The following MAN1C1 variants were observed in gnomAD, a reference collection of about 807,000 sequenced individuals.
The protein encoded by MAN1C1 is mannosyl-oligosaccharide 1,2-alpha-mannosidase IC.
MAN1C1 carries 49 observed loss-of-function variants against 71.5 expected under a neutral mutation model. That is an observed-to-expected ratio of 0.69 (90% confidence interval 0.54 to 0.87). The LOEUF is 0.87. MAN1C1 is among the 40% of genes least tolerant of loss of function. The probability of loss-of-function intolerance (pLI) is 0.00; values close to 1 mark genes in which losing one functional copy is unlikely to be tolerated. For synonymous variants in MAN1C1, 352 were observed against 343.7 expected (o/e 1.02, Z -0.27); for missense variants, 743 against 835.0 (o/e 0.89, Z 1.36).
chr1:25,768,262 C>A (rs1424270572), intron 7 of MAN1C1, among the ~76,000 whole-genome samples: 1 of 47,044 alleles, frequency 2.1e-5, no homozygotes, highest in Non-Finnish European at 4.4e-5. Flanking sequence ...ACTCCCCTCA[C>A]ACACATCACA....
intron 2 of MAN1C1, chr1:25,709,799 G>A (rs2046588188): frequency 6.6e-6 from 1 of 152,164 alleles, no homozygotes; most frequent in South Asian, 2.1e-4. Flanking sequence ...AGACTGGAGT[G>A]CAGTGGCATA....
At chr1:25,749,664 A>T (rs1471166763) in intron 4 of MAN1C1, among the ~76,000 whole-genome samples, 1 of 152,150 alleles carries the variant, frequency 6.6e-6, no homozygotes, top group African/African-American at 2.4e-5. Flanking sequence ...TGCCCAGGTG[A>T]GCCCAACTGG....
intron 4 of MAN1C1, among the ~76,000 whole-genome samples, chr1:25,752,937 T>C (rs1399806142): frequency 1.3e-5 from 2 of 152,236 alleles, no homozygotes; most frequent in Non-Finnish European, 2.9e-5. Context: ...CTCTGGAACC[T>C]GAGGGTGGTC....
rs530683855 is a variant in MAN1C1 at position 25,631,876 on chromosome 1, A to AT, written c.540+13541dup. On this transcript the variant is annotated intron_variant, in intron 1 of 11. Transcript: ENST00000374332. This position sits in a 1 kb window ranked among gnomAD's most constrained non-coding sequence, Gnocchi z 4.2. ...ACCTCTGCCTGCTTAGGTTCAAGTGATTCTCCTGCCTCAGCTGCCTGAGTA... is the reference window on the plus strand; with the variant it reads ...ACCTCTGCCTGCTTAGGTTCAAGTGATTTCTCCTGCCTCAGCTGCCTGAGTA... Among the ~76,000 whole-genome samples the AT allele has an allele frequency of 1.5e-3, 225 of 152,260 alleles. No individual in the cohort carries two copies. The highest frequency in any genetic ancestry group is 5.1e-3 in the African/African-American group (213 of 41,532).
At chr1:25,683,379 T>C (rs2046182187) in intron 1 of MAN1C1, among the ~76,000 whole-genome samples, 1 of 152,238 alleles carries the variant, frequency 6.6e-6, no homozygotes, top group Non-Finnish European at 1.5e-5. Flanking sequence ...GTGGTCCACG[T>C]TGAGTCTTCC....
chr1:25,733,847 T>G (rs1470225383), intron 2 of MAN1C1, among the ~76,000 whole-genome samples: 1 of 152,028 alleles, frequency 6.6e-6, no homozygotes, highest in African/African-American at 2.4e-5. Flanking sequence ...TCGCCCAGGC[T>G]GGAGTGCAGT....
intron 2 of MAN1C1, among the ~76,000 whole-genome samples, chr1:25,693,399 G>T (rs984434497): frequency 6.6e-6 from 1 of 152,160 alleles, no homozygotes; most frequent in Non-Finnish European, 1.5e-5. Context: ...GGAGGCCAAG[G>T]TGGGCAGAGC....
At chr1:25,623,675 T>C (rs2045250918) in intron 1 of MAN1C1, among the ~76,000 whole-genome samples, 1 of 152,212 alleles carries the variant, frequency 6.6e-6, no homozygotes, top group African/African-American at 2.4e-5. Flanking sequence ...AAAGCCCCTG[T>C]GTAGGGAAGC....
chr1:25,783,299 T>A (rs1236315328), intron 11 of MAN1C1, among the ~76,000 whole-genome samples: 2 of 151,854 alleles, frequency 1.3e-5, no homozygotes, highest in Non-Finnish European at 2.9e-5. Flanking sequence ...GAATATAGAG[T>A]CTTAGTGGGC....
Position 25,780,966 on chromosome 1 carries a change from T to C in MAN1C1, c.1504T>C (p.Trp502Arg). Residue 502 changes from tryptophan (W) to arginine (R), a missense_variant, in exon 10 of 12, where the codon TGG becomes CGG. Transcript: ENST00000374332. ...CACCAAACTTGGGCCTGAGGCCTTCTGGTTTAACTCCGGCAGAGAGGCCGT... is the reference window on the plus strand; with the variant it reads ...CACCAAACTTGGGCCTGAGGCCTTCCGGTTTAACTCCGGCAGAGAGGCCGT... ...SDTKLGPEAF[W>R]FNSGREAVAT... 1 of 1,614,160 alleles carries C rather than the reference T, an allele frequency of 6.2e-7. No individual in the cohort carries two copies. Among genetic ancestry groups the C allele is most frequent in the Admixed American group, 1.7e-5 (1 of 60,028 alleles).
intron 1 of MAN1C1, among the ~76,000 whole-genome samples, chr1:25,646,615 A>G (rs1201763885): frequency 6.6e-6 from 1 of 152,166 alleles, no homozygotes; most frequent in East Asian, 1.9e-4. Flanking sequence ...CACTACCCCC[A>G]GCCCAGTCCC....
chr1:25,714,954 G>A (rs1291888662), intron 2 of MAN1C1, among the ~76,000 whole-genome samples: 2 of 152,164 alleles, frequency 1.3e-5, no homozygotes, highest in Non-Finnish European at 2.9e-5. Flanking sequence ...GCCCATTTAA[G>A]TTCAATTTAC....
chr1:25,763,852 C>G (rs760940028), intron 6 of MAN1C1, 22 bp from the exon 7 acceptor site: 15 of 1,607,126 alleles, frequency 9.3e-6, no homozygotes, highest in East Asian at 2.2e-5. Flanking sequence ...TGAAGGCTCA[C>G]CTGGTGTCCG....
intron 5 of MAN1C1, among the ~76,000 whole-genome samples, chr1:25,754,026 C>T (rs796256158): frequency 2.6e-5 from 4 of 152,274 alleles, no homozygotes; most frequent in African/African-American, 7.2e-5. Context: ...CCTCCTCCCA[C>T]GAGGAGGTCC....
intron 1 of MAN1C1, among the ~76,000 whole-genome samples, chr1:25,619,840 C>T (rs1007470324): frequency 1.3e-5 from 2 of 152,174 alleles, no homozygotes; most frequent in African/African-American, 2.4e-5. Flanking sequence ...GCTCTTTTTG[C>T]CCCTCTCGAC....
At chr1:25,672,617 G>A (rs1170350469) in intron 1 of MAN1C1, among the ~76,000 whole-genome samples, 1 of 152,122 alleles carries the variant, frequency 6.6e-6, no homozygotes, top group African/African-American at 2.4e-5. Flanking sequence ...CCTTCTGATT[G>A]TACTGGGCCC....
intron 2 of MAN1C1, among the ~76,000 whole-genome samples, chr1:25,693,965 A>G (rs2046339081): frequency 6.6e-6 from 1 of 152,264 alleles, no homozygotes; most frequent in African/African-American, 2.4e-5. Context: ...CATTCATAAA[A>G]TGTAGGCTGC....
intron 1 of MAN1C1, among the ~76,000 whole-genome samples, chr1:25,678,989 AAG>A (rs936803041): frequency 6.6e-6 from 1 of 151,892 alleles, no homozygotes; most frequent in Non-Finnish European, 1.5e-5. Context: ...CAGAGACAAG[AAG>A]AGAGAGAGAG....
intron 8 of MAN1C1, among the ~76,000 whole-genome samples, chr1:25,774,254 C>A (rs1212791755): frequency 6.6e-6 from 1 of 152,176 alleles, no homozygotes; most frequent in Admixed American, 6.5e-5. Flanking sequence ...ACTGGGCACA[C>A]CCCTGAGTGT....
Sources: gnomAD v4.1 joint callset for allele counts (sites outside exome capture counted in the v4.1 genomes callset) on GRCh38, gnomAD v4.1.1 for gene constraint, Gnocchi (gnomAD v3.1) non-coding constraint, MANE v1.5 for transcripts, NCBI Gene and HGNC (gene_info 2026-07-23, HGNC 2026-07-21) for gene names.